The following JAKMIP1 variants were observed in gnomAD, a reference collection of about 807,000 sequenced individuals.
JAKMIP1 encodes the protein janus kinase and microtubule-interacting protein 1.
In JAKMIP1, 33 loss-of-function variants were observed where a neutral mutation model predicts 113.0. The observed-to-expected ratio is 0.29, with a 90% CI of 0.22 to 0.39. The LOEUF (loss-of-function observed/expected upper bound fraction) is 0.39. JAKMIP1 is among the 10% of genes least tolerant of loss of function. The pLI, the probability that JAKMIP1 is intolerant of heterozygous loss-of-function variation, is 1.00. For missense variants in JAKMIP1, 813 were observed against 1,080.5 expected, an observed-to-expected ratio of 0.75 and a Z score of 3.47; for synonymous variants, 480 against 459.9, an observed-to-expected ratio of 1.04 and a Z score of -0.56.
intron 1 of JAKMIP1, among the ~76,000 whole-genome samples, chr4:6,121,398 G>T (rs1479590712): frequency 6.6e-6 from 1 of 152,130 alleles, no homozygotes. Context: ...GTGACTGTTT[G>T]GAGACCAATA....
In JAKMIP1 at chr4:6,156,173, C is replaced by T. The variant is rs1439982086; in HGVS notation, c.-147-43176G>A. ...GCAGAGACCGGGAACATCTTCTCAC[C>T]GTACCACGCCCGGCACAGAGCCAGC... On this transcript the variant is annotated intron_variant, in intron 1 of 20. Coordinates refer to ENST00000409021, the MANE Select transcript of JAKMIP1 (RefSeq NM_001099433.2). The surrounding 1 kb of genome is among the most constrained non-coding windows in gnomAD (Gnocchi z 5.0). 1.3e-5 allele frequency among the ~76,000 whole-genome samples: 2 copies of T among 152,332 alleles called. No homozygotes were observed. The highest frequency in any genetic ancestry group is 1.9e-4 in the East Asian group (1 of 5,182).
intron 1 of JAKMIP1, among the ~76,000 whole-genome samples, chr4:6,172,330 G>A (rs929759018): frequency 6.6e-6 from 1 of 152,134 alleles, no homozygotes; most frequent in African/African-American, 2.4e-5. Context: ...CTCACCAGAC[G>A]ATCTGCAGAT....
intron 1 of JAKMIP1, among the ~76,000 whole-genome samples, chr4:6,125,890 TGCAGAAACACACAC>T (rs1560231212): frequency 4.6e-4 from 9 of 19,370 alleles, no homozygotes; most frequent in South Asian, 2.5e-3. Context: ...ATACACACCA[TGCAGAAACACACAC>T]ACACACCATA....
chr4:6,156,174 G>A lies in JAKMIP1; in HGVS notation c.-147-43177C>T, dbSNP rs374386710. Among the ~76,000 whole-genome samples the A allele has an allele frequency of 9.2e-5, 14 of 152,282 alleles. No individual in the cohort carries two copies. Among genetic ancestry groups the A allele is most frequent in the East Asian group, 5.8e-4 (3 of 5,186 alleles). ...CAGAGACCGGGAACATCTTCTCACC[G>A]TACCACGCCCGGCACAGAGCCAGCC... On this transcript the variant is annotated intron_variant, in intron 1 of 20. Coordinates refer to ENST00000409021, the MANE Select transcript of JAKMIP1 (RefSeq NM_001099433.2). This position sits in a 1 kb window ranked among gnomAD's most constrained non-coding sequence, Gnocchi z 5.0.
Position 6,142,574 on chromosome 4 carries a change from C to T in JAKMIP1, c.-147-29577G>A, listed in dbSNP as rs760818791. Among the ~76,000 whole-genome samples the T allele has an allele frequency of 1.3e-5, 2 of 152,178 alleles. No homozygotes were observed. Among genetic ancestry groups the T allele is most frequent in the Non-Finnish European group, 2.9e-5 (2 of 68,034 alleles). ...CATATCACAATAATCAGAATTCCAA[C>T]CCTAAATCCTTAAAATATAGCTGGA... On this transcript the variant is annotated intron_variant, in intron 1 of 20. Transcript: ENST00000409021. The surrounding 1 kb of genome is among the most constrained non-coding windows in gnomAD (Gnocchi z 5.5).
chr4:6,035,729 C>T (rs898631527), intron 19 of JAKMIP1, among the ~76,000 whole-genome samples, 175 bp downstream of exon 19: 4 of 152,228 alleles, frequency 2.6e-5, no homozygotes, highest in Admixed American at 6.5e-5. Flanking sequence ...CGTCTTGCCC[C>T]GTCACGGGGA....
At chr4:6,112,341 T>C (rs1437737639) in intron 2 of JAKMIP1, among the ~76,000 whole-genome samples, 2 of 152,226 alleles carry the variant, frequency 1.3e-5, no homozygotes, top group African/African-American at 2.4e-5. Flanking sequence ...TAATGAATGC[T>C]GTCTGACCAC....
intron 2 of JAKMIP1, among the ~76,000 whole-genome samples, chr4:6,109,355 G>C (rs376808337): frequency 1.1e-4 from 17 of 151,652 alleles, no homozygotes; most frequent in East Asian, 3.9e-4. Flanking sequence ...GGATGGTCTC[G>C]ATCTCCTGAC....
chr4:6,112,638 C>T (rs1715130996), intron 2 of JAKMIP1, 84 bp downstream of exon 2: 1 of 1,518,412 alleles, frequency 6.6e-7, no homozygotes, highest in Admixed American at 1.8e-5. Context: ...CTGGAACAGG[C>T]TCTTCACACA....
intron 1 of JAKMIP1, among the ~76,000 whole-genome samples, chr4:6,196,624 C>T (rs1190445293): frequency 1.3e-5 from 2 of 152,060 alleles, no homozygotes; most frequent in African/African-American, 4.8e-5. Flanking sequence ...GAGGCCGAGG[C>T]GGGCAAATCA....
chr4:6,094,996 A>T lies in JAKMIP1; in HGVS notation c.625-9367T>A, dbSNP rs546694544. ...AAGACCCTGTCAAAAAAGAAAAAAG[A>T]TAGAAGAAAAATAAAAAGGAAGAGG... On this transcript the variant is annotated intron_variant, in intron 3 of 20. Coordinates refer to ENST00000409021, the MANE Select transcript of JAKMIP1 (RefSeq NM_001099433.2). The surrounding 1 kb of genome is among the most constrained non-coding windows in gnomAD (Gnocchi z 4.2). Among the ~76,000 whole-genome samples the T allele has an allele frequency of 6.9e-6, 1 of 145,882 alleles. No homozygotes were observed. The highest frequency in any genetic ancestry group is 2.3e-4 in the South Asian group (1 of 4,372).
chr4:6,038,018 C>T (rs1390718461), intron 18 of JAKMIP1, among the ~76,000 whole-genome samples: 3 of 135,810 alleles, frequency 2.2e-5, no homozygotes, highest in Non-Finnish European at 4.6e-5. Flanking sequence ...GAGGTTAACC[C>T]AGTAGCCCTC....
At chr4:6,045,334 A>G (rs1235013524) in intron 16 of JAKMIP1, among the ~76,000 whole-genome samples, 3 of 152,140 alleles carry the variant, frequency 2.0e-5, no homozygotes, top group Non-Finnish European at 4.4e-5. Flanking sequence ...CTCATGGTTC[A>G]GGTTCTCTGT....
intron 16 of JAKMIP1, among the ~76,000 whole-genome samples, chr4:6,047,701 C>G (rs1715171478): frequency 6.6e-6 from 1 of 152,244 alleles, no homozygotes; most frequent in Admixed American, 6.5e-5. Context: ...GAAACTATTT[C>G]TATTTTAAAT....
rs576367715 is a variant in JAKMIP1, at chr4:6,069,595, T to C, written c.1303-4587A>G. 1.2e-4 allele frequency among the ~76,000 whole-genome samples: 18 copies of C among 152,020 alleles called. No individual in the cohort carries two copies. In the South Asian group the frequency reaches 3.5e-3, roughly 30 times the overall value. On this transcript the variant is annotated intron_variant, in intron 8 of 20. Transcript: ENST00000409021. This position sits in a 1 kb window ranked among gnomAD's most constrained non-coding sequence, Gnocchi z 4.5. Reference sequence around the variant, plus strand: ...GAGAATCCATCTCTACAAAAAGTTATTTAAAAAGTTAGCCGAGTATGGTGG... The same window carrying C: ...GAGAATCCATCTCTACAAAAAGTTACTTAAAAAGTTAGCCGAGTATGGTGG...
rs192795103 is a variant in JAKMIP1, at chr4:6,038,966, G to T, written c.2175+1673C>A. 2.0e-3 allele frequency among the ~76,000 whole-genome samples: 305 copies of T among 152,354 alleles called. 2 individuals carry two copies. The highest frequency in any genetic ancestry group is 6.4e-3 in the African/African-American group (266 of 41,586). ...TCTGGCATCTGCTGTCCTGGCCCCA[G>T]CATGGACACATGGCCCTGTCACCCT... On this transcript the variant is annotated intron_variant, in intron 18 of 20. Coordinates refer to ENST00000409021, the MANE Select transcript of JAKMIP1 (RefSeq NM_001099433.2).
In JAKMIP1 at chr4:6,108,207, G is replaced by C. The variant is rs1714292190; in HGVS notation, c.130-2240C>G. 6.6e-6 allele frequency among the ~76,000 whole-genome samples: 1 copy of C among 152,054 alleles called. No homozygotes were observed. Among genetic ancestry groups the C allele is most frequent in the Non-Finnish European group, 1.5e-5 (1 of 68,024 alleles). ...CCAAAGCTGCTGAGAGCCAAGCCCA[G>C]GTGACATGACCTATGCCACAGAAGC... On this transcript the variant is annotated intron_variant, in intron 2 of 20. Coordinates refer to ENST00000409021, the MANE Select transcript of JAKMIP1 (RefSeq NM_001099433.2). The surrounding 1 kb of genome is among the most constrained non-coding windows in gnomAD (Gnocchi z 5.6).
At position 6,081,297 on chromosome 4, in the gene JAKMIP1, C is replaced by G. The variant is rs1323852364; in HGVS notation, c.1101+312G>C. Among the ~76,000 whole-genome samples the G allele has an allele frequency of 2.0e-5, 3 of 152,200 alleles. No homozygotes were observed. The highest frequency in any genetic ancestry group is 4.4e-5 in the Non-Finnish European group (3 of 68,040). Reference sequence around the variant, plus strand: ...TCTTTACATGCTGTTATTTCATCCTCTTGATGATCCTCCAGTGTGGATATT... The same window carrying G: ...TCTTTACATGCTGTTATTTCATCCTGTTGATGATCCTCCAGTGTGGATATT... On this transcript the variant is annotated intron_variant, in intron 6 of 20. Transcript: ENST00000409021. The surrounding 1 kb of genome is among the most constrained non-coding windows in gnomAD (Gnocchi z 4.6).
At chr4:6,045,692 G>C (rs944913333) in intron 16 of JAKMIP1, among the ~76,000 whole-genome samples, 1 of 152,152 alleles carries the variant, frequency 6.6e-6, no homozygotes, top group Admixed American at 6.5e-5. Flanking sequence ...AACCAACATG[G>C]AGAAACCCGT....
Sources: gnomAD v4.1 joint callset for allele counts (sites outside exome capture counted in the v4.1 genomes callset) on GRCh38, gnomAD v4.1.1 for gene constraint, Gnocchi (gnomAD v3.1) non-coding constraint, MANE v1.5 for transcripts, NCBI Gene and HGNC (gene_info 2026-07-23, HGNC 2026-07-21) for gene names.